VPS13A: variants seen among roughly 807,000 people sequenced by gnomAD.
VPS13A encodes the protein intermembrane lipid transfer protein VPS13A.
In VPS13A, 264 loss-of-function variants were observed where a neutral mutation model predicts 390.9. The ratio of observed to expected loss-of-function variants is 0.68; its 90% confidence interval spans 0.61 to 0.75. VPS13A has a LOEUF of 0.75. Among genes scored for constraint, VPS13A ranks in the 30% least tolerant of loss-of-function variants. VPS13A has a pLI of 0.00. For missense variants in VPS13A, 3,409 were observed against 3,733.9 expected, an observed-to-expected ratio of 0.91 and a Z score of 2.27; for synonymous variants, 1,231 against 1,227.1, an observed-to-expected ratio of 1.00 and a Z score of -0.07.
chr9:77,212,001 A>G (rs564486697), intron 7 of VPS13A, among the ~76,000 whole-genome samples: 4 of 152,226 alleles, frequency 2.6e-5, no homozygotes, highest in South Asian at 2.1e-4. Context: ...CCTGATGGAA[A>G]AGTTATCTCC....
chr9:77,252,657 C>A (rs1825210524), intron 22 of VPS13A, among the ~76,000 whole-genome samples: 2 of 152,162 alleles, frequency 1.3e-5, no homozygotes, highest in South Asian at 2.1e-4. Flanking sequence ...TCACCCTGCA[C>A]CCAGCCCCTG....
Position 77,315,437 on chromosome 9 carries a change from AC to A in VPS13A, c.4599del (p.Ser1534ValfsTer17), listed in dbSNP as rs778108188. 6.2e-7 allele frequency: 1 copy of A among 1,613,926 alleles called. No individual in the cohort carries two copies. The highest frequency in any genetic ancestry group is 1.1e-5 in the South Asian group (1 of 91,070). On this transcript the variant is annotated frameshift_variant, in exon 38 of 72. Transcript: ENST00000360280. LOFTEE classifies it high-confidence loss of function. ...EAYTTGTAVE[T>X]SVQTWTAKEE... ...CTACACCACAGGCACTGCTGTAGAAACCAGTGTGCAAACATGGACTGCTAAG... is the reference window on the plus strand; with the variant it reads ...CTACACCACAGGCACTGCTGTAGAAACAGTGTGCAAACATGGACTGCTAAG...
intron 13 of VPS13A, among the ~76,000 whole-genome samples, chr9:77,224,369 C>T (rs996577081): frequency 3.3e-5 from 5 of 152,086 alleles, no homozygotes; most frequent in African/African-American, 1.2e-4. Context: ...TGGATCTGGG[C>T]AAAGTAAATT....
chr9:77,277,049 G>A (rs1047594396), intron 26 of VPS13A, among the ~76,000 whole-genome samples: 7 of 152,156 alleles, frequency 4.6e-5, no homozygotes, highest in Non-Finnish European at 8.8e-5. Context: ...TTTTGTGTTC[G>A]TAATGGATAT....
chr9:77,368,090 C>T lies in VPS13A; in HGVS notation c.8507C>T (p.Thr2836Ile). 1 of 1,612,418 alleles carries T rather than the reference C, an allele frequency of 6.2e-7. No homozygotes were observed. Among genetic ancestry groups the T allele is most frequent in the Non-Finnish European group, 8.5e-7 (1 of 1,179,482 alleles). The change falls in exon 62 of 72, where the codon ACA (threonine) becomes ATA (isoleucine). Residue 2836 changes from threonine (T) to isoleucine (I), a missense_variant. Coordinates refer to ENST00000360280, the MANE Select transcript of VPS13A (RefSeq NM_033305.3). ...AFFELNYQFH[T>I]TSDLQSEVIR... ...TTTGAACTCAACTATCAGTTCCATACAACATCCGATCTACAGTCTGAAGTC... is the reference window on the plus strand; with the variant it reads ...TTTGAACTCAACTATCAGTTCCATATAACATCCGATCTACAGTCTGAAGTC...
At chr9:77,239,585 AT>A (rs965685470) in intron 19 of VPS13A, among the ~76,000 whole-genome samples, 3 of 151,294 alleles carry the variant, frequency 2.0e-5, no homozygotes, top group African/African-American at 7.3e-5. Flanking sequence ...CCTGGTATAT[AT>A]TTTTTCTTAT....
chr9:77,242,404 G>C (rs1824552303), intron 19 of VPS13A, among the ~76,000 whole-genome samples: 1 of 152,052 alleles, frequency 6.6e-6, no homozygotes, highest in Non-Finnish European at 1.5e-5. Context: ...TCACAGAAAA[G>C]TGTGTGTTAT....
In VPS13A at chr9:77,221,811, C is replaced by T. The variant is rs147421358; in HGVS notation, c.1161+455C>T. Among the ~76,000 whole-genome samples the T allele has an allele frequency of 3.3e-5, 5 of 152,156 alleles. No individual in the cohort carries two copies. In the East Asian group the frequency reaches 7.7e-4, roughly 24 times the overall value. On this transcript the variant is annotated intron_variant, in intron 13 of 71. Coordinates refer to ENST00000360280, the MANE Select transcript of VPS13A (RefSeq NM_033305.3). ...CGCCTATGCTCATAAATGCTACCTG[C>T]CTTTATCTCTCTACCTACTCAATTC...
At chr9:77,366,079 T>A (rs566398017) in intron 60 of VPS13A, among the ~76,000 whole-genome samples, 1 of 152,228 alleles carries the variant, frequency 6.6e-6, no homozygotes, top group South Asian at 2.1e-4. Flanking sequence ...ACATATACTT[T>A]TGGAGATACA....
intron 13 of VPS13A, among the ~76,000 whole-genome samples, chr9:77,224,463 TG>T (rs1220654266): frequency 6.6e-6 from 1 of 152,168 alleles, no homozygotes; most frequent in Non-Finnish European, 1.5e-5. Context: ...ATATGAACAT[TG>T]ACAGGTGTTT....
intron 1 of VPS13A, among the ~76,000 whole-genome samples, chr9:77,181,675 A>G (rs1056490571): frequency 6.6e-6 from 1 of 152,198 alleles, no homozygotes; most frequent in East Asian, 1.9e-4. Flanking sequence ...ATGTTACTAT[A>G]ATAGTATCAA....
At position 77,237,994 on chromosome 9, in the gene VPS13A, T is replaced by TA. The variant is rs747677553; in HGVS notation, c.1596-6dup. ...ATCGCTGACTTTTTTCTTTTTTTTT[T>TA]AATGCAGATTTGAAACTAAAATAGA... On this transcript the variant is annotated splice_polypyrimidine_tract_variant and splice_region_variant and intron_variant, in intron 17 of 71. Transcript: ENST00000360280. The TA allele has an allele frequency of 1.3e-6, 2 of 1,581,322 alleles. No homozygotes were observed. The highest frequency in any genetic ancestry group is 8.7e-7 in the Non-Finnish European group (1 of 1,155,802).
intron 23 of VPS13A, among the ~76,000 whole-genome samples, chr9:77,263,086 C>T (rs12337494): frequency 0.1 from 15,471 of 151,436 alleles, 822 homozygotes; most frequent in Middle Eastern, 0.13. Flanking sequence ...AACATCATCT[C>T]TAGCATCTGT....
chr9:77,210,318 A>C (rs1162387900), intron 6 of VPS13A, among the ~76,000 whole-genome samples: 1 of 145,596 alleles, frequency 6.9e-6, no homozygotes, highest in Non-Finnish European at 1.5e-5. Flanking sequence ...TGCAACCTTG[A>C]CATTCCTTGC....
intron 1 of VPS13A, among the ~76,000 whole-genome samples, chr9:77,187,339 A>C (rs1387973254): frequency 1.3e-5 from 2 of 152,184 alleles, no homozygotes; most frequent in African/African-American, 4.8e-5. Flanking sequence ...ACCATTTTAC[A>C]TTCCTACCAA....
At chr9:77,395,698 T>G (rs1453314790) in intron 68 of VPS13A, 1 of 152,214 alleles carries the variant, frequency 6.6e-6, no homozygotes, top group Non-Finnish European at 1.5e-5. Context: ...CATTATATTT[T>G]TATTATTCCA....
chr9:77,316,199 G>C lies in VPS13A; in HGVS notation c.4656G>C (p.Trp1552Cys). Residue 1552 changes from tryptophan to cysteine, a missense_variant, in exon 39 of 72, where the codon TGG (tryptophan) becomes TGC (cysteine). Physicochemically the swap from Trp to Cys is radical, Grantham distance 215. Around this residue, in one of 5 missense-constraint regions of VPS13A, gnomAD observed 2,717 missense variants for 2,917.4 expected, o/e 0.93. Transcript: ENST00000360280. ...TACCTACACAGGAATCAGTGAAGTG[G>C]GAAATTAATGTTATTATTAAAAATC... ...EEVPTQESVK[W>C]EINVIIKNPE... 1 of 1,611,434 alleles carries C rather than the reference G, an allele frequency of 6.2e-7. No individual in the cohort carries two copies. The highest frequency in any genetic ancestry group is 1.1e-5 in the South Asian group (1 of 90,860).
Position 77,379,394 on chromosome 9 carries a change from C to T in VPS13A, c.9078-2582C>T, listed in dbSNP as rs146146094. On this transcript the variant is annotated intron_variant, in intron 67 of 71. Transcript: ENST00000360280. ...TAACTGGGATTACAGGCATGTGCCA[C>T]CACACCCGGCTAATTTTGTATTTTT... 4.8e-3 allele frequency among the ~76,000 whole-genome samples: 733 copies of T among 152,278 alleles called. 4 individuals are homozygous for T. The highest frequency in any genetic ancestry group is 0.016 in the African/African-American group (663 of 41,554).
intron 52 of VPS13A, among the ~76,000 whole-genome samples, chr9:77,346,221 A>G (rs1249171015): frequency 1.3e-5 from 2 of 151,964 alleles, no homozygotes; most frequent in Non-Finnish European, 2.9e-5. Context: ...TGCAGGAGTA[A>G]GGTGGTATCT....
Sources: allele counts gnomAD v4.1 joint callset (sites outside exome capture counted in the v4.1 genomes callset), GRCh38; gene constraint gnomAD v4.1.1; regional missense constraint gnomAD v4.1.1; transcripts MANE v1.5; gene names NCBI Gene and HGNC (gene_info 2026-07-23, HGNC 2026-07-21).